ABCA8: variants seen among roughly 807,000 people sequenced by gnomAD.
The protein encoded by ABCA8 is ATP binding cassette subfamily A member 8, also known as ABC-type organic anion transporter ABCA8.
ABCA8 carries 177 observed loss-of-function variants against 192.3 expected under a neutral mutation model. The ratio of observed to expected loss-of-function variants is 0.92; its 90% CI spans 0.81 to 1.04. The LOEUF is 1.04. Ranked by LOEUF, ABCA8 falls within the 50% of genes least tolerant of loss-of-function variation. ABCA8 has a pLI of 0.00. For synonymous variants in ABCA8, 642 were observed against 690.2 expected (o/e 0.93, Z 1.09); for missense variants, 1,915 against 1,904.8 (o/e 1.01, Z -0.10).
chr17:68,918,521 T>A lies in ABCA8; in HGVS notation c.1814A>T (p.Glu605Val). Residue 605 changes from glutamate to valine, a missense_variant, in exon 15 of 40, where the codon GAA becomes GTA. Glu to Val is a moderately radical substitution (Grantham distance 121, BLOSUM62 -2). Transcript: ENST00000586539. ...AAGAACATCCTGAATATTTTTCATT[T>A]CCAATTCCAGCAGAACCCTTTGTAT... ...KEIQRVLLEL[E>V]MKNIQDVLAQ... is the part of the protein sequence containing the mutation. 6.6e-7 allele frequency: 1 copy of A among 1,518,466 alleles called. No homozygotes were observed. Among genetic ancestry groups the A allele is most frequent in the Non-Finnish European group, 8.8e-7 (1 of 1,142,264 alleles). 94.1% of individuals were successfully genotyped at this position (1,518,466 alleles called of 1,614,324 possible).
intron 17 of ABCA8, 113 bp from the exon 18 acceptor site, chr17:68,907,992 CA>C: frequency 9.8e-7 from 1 of 1,015,790 alleles, no homozygotes; most frequent in Non-Finnish European, 1.3e-6. Context: ...AATCTAATGC[CA>C]GAAATAGGTC....
At chr17:68,874,765 A>G (rs975488544) in intron 37 of ABCA8, among the ~76,000 whole-genome samples, 14 of 152,278 alleles carry the variant, frequency 9.2e-5, no homozygotes, top group Admixed American at 3.9e-4. Flanking sequence ...TTTTCTGTCT[A>G]TGAAAATAAA....
Position 68,881,861 on chromosome 17 carries a change from A to G in ABCA8, c.3946+2T>C, listed in dbSNP as rs762084901. 3.1e-6 allele frequency: 5 copies of G among 1,612,574 alleles called. 1 individual carries two copies. The South Asian group carries it at 5.5e-5, about 18-fold the overall frequency. On this transcript the variant is annotated splice_donor_variant, in intron 31 of 39. Coordinates refer to ENST00000586539, the MANE Select transcript of ABCA8 (RefSeq NM_001288985.2). LOFTEE classifies it high-confidence loss of function. Reference sequence around the variant, plus strand: ...CAGAAGTGGAAGATCCCTATGGCCAACCTTTTCTAACACAGAAGGAGACAT... The same window carrying G: ...CAGAAGTGGAAGATCCCTATGGCCAGCCTTTTCTAACACAGAAGGAGACAT...
intron 30 of ABCA8, 113 bp from the exon 31 acceptor site, chr17:68,882,093 G>C: frequency 1.2e-6 from 1 of 843,498 alleles, no homozygotes; most frequent in Non-Finnish European, 1.9e-6. Flanking sequence ...ATGCATCAAA[G>C]AAGACCTTCT....
chr17:68,929,468 T>C (rs1555616077), intron 8 of ABCA8, 93 bp downstream of exon 8: 11 of 1,379,108 alleles, frequency 8.0e-6, no homozygotes, highest in African/African-American at 1.5e-5. Context: ...ACAGAGTAGG[T>C]AGAAAAAAAA....
At chr17:68,942,824 A>G (rs890299669) in intron 2 of ABCA8, among the ~76,000 whole-genome samples, 1 of 152,102 alleles carries the variant, frequency 6.6e-6, no homozygotes, top group African/African-American at 2.4e-5. Flanking sequence ...TTCTCCTGTC[A>G]CTATTCAATA....
intron 21 of ABCA8, among the ~76,000 whole-genome samples, chr17:68,898,573 G>A (rs371268055): frequency 1.3e-5 from 2 of 152,106 alleles, no homozygotes; most frequent in South Asian, 2.1e-4. Context: ...AGTATAATGC[G>A]TATTTTTCCC....
chr17:68,885,845 C>T (rs1007271211), intron 26 of ABCA8, among the ~76,000 whole-genome samples: 1 of 151,904 alleles, frequency 6.6e-6, no homozygotes, highest in African/African-American at 2.4e-5. Flanking sequence ...ACACACCCAG[C>T]ACCCATAGAT....
At chr17:68,907,598 A>C (rs1365511248) in intron 18 of ABCA8, 142 bp downstream of exon 18, 2 of 731,566 alleles carry the variant, frequency 2.7e-6, no homozygotes, top group East Asian at 3.2e-5. Flanking sequence ...AAAATAATTC[A>C]GTTATTGTAC....
chr17:68,917,195 C>T (rs551368332), intron 17 of ABCA8, among the ~76,000 whole-genome samples, 166 bp downstream of exon 17: 191 of 152,202 alleles, frequency 1.3e-3, no homozygotes, highest in African/African-American at 4.6e-3. Flanking sequence ...GGAGTGAACC[C>T]AGGAGGCGGA....
rs779899467 is a variant in ABCA8 at position 68,937,132 on chromosome 17, G to A, written c.302-17C>T. ...CCTCTTTACCTTTTGTTACAAGAAG[G>A]AATATTATTGTTAGTAAATTACTAG... On this transcript the variant is annotated splice_polypyrimidine_tract_variant and intron_variant, in intron 4 of 39. Coordinates refer to ENST00000586539, the MANE Select transcript of ABCA8 (RefSeq NM_001288985.2). 2.9e-5 allele frequency: 45 copies of A among 1,565,104 alleles called. 1 individual carries two copies. In the South Asian group the frequency reaches 5.1e-4, roughly 18 times the overall value.
chr17:68,897,288 C>A (rs1247657594), intron 21 of ABCA8, among the ~76,000 whole-genome samples: 1 of 152,070 alleles, frequency 6.6e-6, no homozygotes, highest in Admixed American at 6.5e-5. Context: ...ATGCACATGG[C>A]CAAAGTTATG....
chr17:68,923,111 T>A (rs1358740640), intron 11 of ABCA8, among the ~76,000 whole-genome samples: 3 of 152,122 alleles, frequency 2.0e-5, no homozygotes, highest in Admixed American at 1.3e-4. Context: ...ATAGGCCAAA[T>A]CAAATTTATG....
intron 1 of ABCA8, among the ~76,000 whole-genome samples, chr17:68,953,968 A>G (rs2068641695): frequency 6.6e-6 from 1 of 152,176 alleles, no homozygotes; most frequent in Non-Finnish European, 1.5e-5. Context: ...AGAGAGGGCA[A>G]AAGTTTCTGG....
intron 17 of ABCA8, among the ~76,000 whole-genome samples, chr17:68,913,528 T>C (rs953478061): frequency 7.9e-5 from 12 of 151,286 alleles, no homozygotes; most frequent in Admixed American, 5.9e-4. Context: ...CAAAAATAAA[T>C]AAAATCAGAG....
At chr17:68,929,848 A>G in intron 7 of ABCA8, 146 bp from the exon 8 acceptor site, 2 of 757,422 alleles carry the variant, frequency 2.6e-6, no homozygotes, top group Non-Finnish European at 4.0e-6. Flanking sequence ...TCTAAGATAT[A>G]TAAATACAAG....
chr17:68,934,721 T>G (rs2068007890), intron 5 of ABCA8, among the ~76,000 whole-genome samples: 1 of 152,234 alleles, frequency 6.6e-6, no homozygotes, highest in Non-Finnish European at 1.5e-5. Context: ...TATGTGCACT[T>G]CAACTTTAAG....
At chr17:68,940,099 A>G (rs755395827) in intron 4 of ABCA8, among the ~76,000 whole-genome samples, 1 of 152,116 alleles carries the variant, frequency 6.6e-6, no homozygotes, top group Non-Finnish European at 1.5e-5. Flanking sequence ...ATTTCAGAGC[A>G]TTGTTGTAAA....
chr17:68,954,279 A>G (rs938552142), intron 1 of ABCA8, among the ~76,000 whole-genome samples: 1 of 150,090 alleles, frequency 6.7e-6, no homozygotes, highest in African/African-American at 2.5e-5. Context: ...CTCTACAGAA[A>G]TGCATAATTC....
Sources: gnomAD v4.1 joint callset for allele counts (sites outside exome capture counted in the v4.1 genomes callset) on GRCh38, gnomAD v4.1.1 for gene constraint, MANE v1.5 for transcripts, NCBI Gene and HGNC (gene_info 2026-07-23, HGNC 2026-07-21) for gene names.